MNAT1: variants seen among roughly 807,000 people sequenced by gnomAD.
The protein encoded by MNAT1 is CDK-activating kinase assembly factor MAT1.
Under a neutral mutation model 42.0 loss-of-function variants are expected in MNAT1, and 43 were observed. The ratio of observed to expected loss-of-function variants is 1.02; its 90% CI spans 0.80 to 1.32. MNAT1 has a LOEUF of 1.32. Ranked by LOEUF, MNAT1 falls within the 40% of genes most tolerant of loss-of-function variation. The pLI is 0.00. For missense variants in MNAT1, 306 were observed against 350.4 expected (o/e 0.87, Z 1.01); for synonymous variants, 118 against 120.0 (o/e 0.98, Z 0.11).
chr14:60,879,956 T>A lies in MNAT1; in HGVS notation c.809+121T>A, dbSNP rs1233426127. Reference sequence around the variant, plus strand: ...TAGAACTTTACTGTTTTGTGAAAAATGAACAGTACTCAATACCAAATTGTT... The same window carrying A: ...TAGAACTTTACTGTTTTGTGAAAAAAGAACAGTACTCAATACCAAATTGTT... On this transcript the variant is annotated intron_variant, in intron 7 of 7. Coordinates refer to ENST00000261245, the MANE Select transcript of MNAT1 (RefSeq NM_002431.4). The A allele has an allele frequency of 3.6e-6, 4 of 1,121,246 alleles. No individual in the cohort carries two copies. In the East Asian group the frequency reaches 1.0e-4, roughly 29 times the overall value. 69.5% of individuals were successfully genotyped at this position (1,121,246 alleles called of 1,614,324 possible).
chr14:60,889,482 T>C (rs1303709675), intron 7 of MNAT1, among the ~76,000 whole-genome samples: 1 of 152,078 alleles, frequency 6.6e-6, no homozygotes, highest in Non-Finnish European at 1.5e-5. Flanking sequence ...ACGTTAGATC[T>C]AAAACCATAA....
intron 7 of MNAT1, among the ~76,000 whole-genome samples, chr14:60,924,783 A>G (rs1339914262): frequency 6.6e-6 from 1 of 152,216 alleles, no homozygotes; most frequent in South Asian, 2.1e-4. Flanking sequence ...AAAGCTGACA[A>G]CTTGGAAACA....
chr14:60,790,301 C>A (rs956195426), intron 1 of MNAT1, among the ~76,000 whole-genome samples: 1 of 151,954 alleles, frequency 6.6e-6, no homozygotes, highest in Admixed American at 6.6e-5. Flanking sequence ...TTAGTGCAAA[C>A]CTGCCTCCCA....
intron 1 of MNAT1, among the ~76,000 whole-genome samples, chr14:60,744,475 G>A (rs1322278424): frequency 6.6e-6 from 1 of 152,078 alleles, no homozygotes; most frequent in African/African-American, 2.4e-5. Flanking sequence ...TTGACTGTAG[G>A]TTACAGTTTT....
At chr14:60,955,879 A>G (rs566246267) in intron 7 of MNAT1, among the ~76,000 whole-genome samples, 2 of 151,122 alleles carry the variant, frequency 1.3e-5, no homozygotes, top group Admixed American at 6.6e-5. Context: ...TTCTAATTTT[A>G]TGTATTTGAG....
chr14:60,842,966 C>T (rs1045906411), intron 6 of MNAT1, among the ~76,000 whole-genome samples: 23 of 152,186 alleles, frequency 1.5e-4, no homozygotes, highest in African/African-American at 5.1e-4. Context: ...GTTGATTTTG[C>T]GTCATCATGA....
chr14:60,809,507 G>A (rs760658506), intron 4 of MNAT1, among the ~76,000 whole-genome samples: 13 of 152,042 alleles, frequency 8.6e-5, no homozygotes, highest in African/African-American at 2.4e-4. Flanking sequence ...ATAGGTATGC[G>A]TAGGTAAAAT....
intron 6 of MNAT1, among the ~76,000 whole-genome samples, chr14:60,833,798 A>G (rs1566786279): frequency 1.3e-5 from 2 of 152,076 alleles, no homozygotes; most frequent in East Asian, 3.9e-4. Flanking sequence ...GTGAATCTGT[A>G]TGTTCCTGGG....
At chr14:60,962,412 C>T (rs1375401768) in intron 7 of MNAT1, among the ~76,000 whole-genome samples, 1 of 152,088 alleles carries the variant, frequency 6.6e-6, no homozygotes, top group Non-Finnish European at 1.5e-5. Flanking sequence ...AGTATATAGA[C>T]AGAATCTATC....
At chr14:60,886,560 G>T (rs1311875638) in intron 7 of MNAT1, among the ~76,000 whole-genome samples, 1 of 151,518 alleles carries the variant, frequency 6.6e-6, no homozygotes, top group Non-Finnish European at 1.5e-5. Flanking sequence ...CTAATGTAAT[G>T]TTTTGATTTT....
chr14:60,868,998 C>A (rs1454033921), intron 6 of MNAT1, among the ~76,000 whole-genome samples: 1 of 138,692 alleles, frequency 7.2e-6, no homozygotes, highest in Admixed American at 7.3e-5. Context: ...CACATGACAA[C>A]TTTTTTATAT....
chr14:60,747,247 G>A (rs2029878837), intron 1 of MNAT1, among the ~76,000 whole-genome samples: 1 of 151,972 alleles, frequency 6.6e-6, no homozygotes, highest in Non-Finnish European at 1.5e-5. Context: ...GCCTCCCAAA[G>A]TGCTAGGATT....
At chr14:60,806,238 G>A (rs1230427608) in intron 3 of MNAT1, among the ~76,000 whole-genome samples, 1 of 152,226 alleles carries the variant, frequency 6.6e-6, no homozygotes, top group Non-Finnish European at 1.5e-5. Flanking sequence ...TGTATTGTAA[G>A]CATTCAGGGA....
intron 1 of MNAT1, among the ~76,000 whole-genome samples, chr14:60,795,491 G>T (rs1170979607): frequency 6.6e-6 from 1 of 152,152 alleles, no homozygotes; most frequent in East Asian, 1.9e-4. Flanking sequence ...TCTTAATGTT[G>T]CACTACCAGA....
At chr14:60,817,680 A>G (rs984292508) in intron 5 of MNAT1, among the ~76,000 whole-genome samples, 1 of 152,060 alleles carries the variant, frequency 6.6e-6, no homozygotes, top group Non-Finnish European at 1.5e-5. Flanking sequence ...AAAGAAAATT[A>G]AAATCTGTAT....
intron 6 of MNAT1, among the ~76,000 whole-genome samples, 190 bp from the exon 7 acceptor site, chr14:60,879,522 CAT>C (rs1432728971): frequency 6.6e-6 from 1 of 152,084 alleles, no homozygotes; most frequent in East Asian, 1.9e-4. Context: ...TCTTTTAAAT[CAT>C]GTGTAAATGA....
At position 60,826,233 on chromosome 14, in the gene MNAT1, G is replaced by A. The variant is rs546360964; in HGVS notation, c.687+7386G>A. On this transcript the variant is annotated intron_variant, in intron 6 of 7. Coordinates refer to ENST00000261245, the MANE Select transcript of MNAT1 (RefSeq NM_002431.4). ...GTAATGTTAGGCATAGGGTCTTAGA[G>A]AAATTAATGTAATTTGTGACTTCAG... Among the ~76,000 whole-genome samples, 7 of 151,706 alleles carry A rather than the reference G, an allele frequency of 4.6e-5. No homozygotes were observed. In the East Asian group the frequency reaches 1.4e-3, roughly 29 times the overall value.
intron 7 of MNAT1, among the ~76,000 whole-genome samples, chr14:60,891,497 G>A (rs574440734): frequency 4.0e-5 from 6 of 151,338 alleles, no homozygotes; most frequent in Admixed American, 3.3e-4. Flanking sequence ...TGTTGCCCAC[G>A]CCAGAGTGCA....
intron 1 of MNAT1, chr14:60,780,427 A>G: frequency 6.4e-7 from 1 of 1,558,080 alleles, no homozygotes; most frequent in East Asian, 2.2e-5. Flanking sequence ...TTTCTTGTTC[A>G]TTTGATCTGC....
Sources: allele counts gnomAD v4.1 joint callset (sites outside exome capture counted in the v4.1 genomes callset), GRCh38; gene constraint gnomAD v4.1.1; transcripts MANE v1.5; gene names NCBI Gene and HGNC (gene_info 2026-07-23, HGNC 2026-07-21).